The following MIS18BP1 variants were observed in gnomAD, a reference collection of about 807,000 sequenced individuals.
MIS18BP1 encodes MIS18 binding protein 1.
Under a neutral mutation model 116.1 loss-of-function variants are expected in MIS18BP1, and 72 were observed. The ratio of observed to expected loss-of-function variants is 0.62; its 90% CI spans 0.51 to 0.75. MIS18BP1 has a LOEUF of 0.75. Ranked by LOEUF, MIS18BP1 falls within the 30% of genes least tolerant of loss-of-function variation. The pLI, the probability that MIS18BP1 is intolerant of heterozygous loss-of-function variation, is 0.00. For synonymous variants in MIS18BP1, 386 were observed against 427.0 expected (o/e 0.90, Z 1.18); for missense variants, 1,363 against 1,303.2 (o/e 1.05, Z -0.71).
At chr14:45,221,007 C>CG (rs1278844058) in intron 11 of MIS18BP1, among the ~76,000 whole-genome samples, 2 of 152,018 alleles carry the variant, frequency 1.3e-5, no homozygotes, top group Non-Finnish European at 2.9e-5. Context: ...TGGTGGCACA[C>CG]ACCTGTAATC....
At chr14:45,232,155 G>A (rs937316449) in intron 7 of MIS18BP1, among the ~76,000 whole-genome samples, 4 of 152,094 alleles carry the variant, frequency 2.6e-5, no homozygotes, top group Admixed American at 6.6e-5. Flanking sequence ...GGTGTCTCAC[G>A]CCTATAATCC....
chr14:45,237,748 A>C, intron 4 of MIS18BP1, 27 bp from the exon 5 acceptor site: 1 of 1,565,226 alleles, frequency 6.4e-7, no homozygotes, highest in Non-Finnish European at 8.6e-7. Flanking sequence ...CAAAGAACAT[A>C]TTTCCTGTAT....
intron 13 of MIS18BP1, among the ~76,000 whole-genome samples, chr14:45,212,939 C>G (rs187659457): frequency 6.6e-6 from 1 of 152,340 alleles, no homozygotes; most frequent in Admixed American, 6.5e-5. Context: ...TCTGAGAGTA[C>G]TTTCTTTCCT....
chr14:45,232,537 G>A (rs1377670843), intron 7 of MIS18BP1, 196 bp downstream of exon 7: 2 of 545,182 alleles, frequency 3.7e-6, no homozygotes, highest in Middle Eastern at 5.1e-4. Context: ...GCTCATGCCT[G>A]TAATCCCAAC....
intron 13 of MIS18BP1, among the ~76,000 whole-genome samples, chr14:45,212,252 TCCTC>T (rs2139150971): frequency 6.6e-6 from 1 of 152,164 alleles, no homozygotes; most frequent in South Asian, 2.1e-4. Context: ...CTCTCTCTCT[TCCTC>T]CATCTTTTCT....
At chr14:45,206,221 A>G in intron 14 of MIS18BP1, 51 bp from the exon 15 acceptor site, 2 of 1,261,576 alleles carry the variant, frequency 1.6e-6, no homozygotes, top group Non-Finnish European at 2.3e-6. Context: ...AAGTCAACCT[A>G]ATAATTTTAA....
chr14:45,229,640 T>C (rs1891221544), intron 8 of MIS18BP1, among the ~76,000 whole-genome samples: 1 of 152,194 alleles, frequency 6.6e-6, no homozygotes, highest in Non-Finnish European at 1.5e-5. Context: ...ACTGATAATA[T>C]TTGCAATTAA....
At chr14:45,236,153 C>A (rs776735565) in intron 5 of MIS18BP1, among the ~76,000 whole-genome samples, 1 of 152,168 alleles carries the variant, frequency 6.6e-6, no homozygotes, top group Non-Finnish European at 1.5e-5. Context: ...TGTGGCCAAA[C>A]CATGTCCCTC....
chr14:45,219,327 C>A (rs1324790091), intron 11 of MIS18BP1, among the ~76,000 whole-genome samples: 1 of 152,152 alleles, frequency 6.6e-6, no homozygotes. Context: ...CGGGGTTAAA[C>A]AGTCCTGATT....
At chr14:45,241,892 G>T in intron 4 of MIS18BP1, 142 bp downstream of exon 4, 1 of 893,838 alleles carries the variant, frequency 1.1e-6, no homozygotes, top group Non-Finnish European at 1.7e-6. Context: ...AATAAAACAT[G>T]ATAATGAAGA....
chr14:45,214,903 C>T (rs1890773733), intron 13 of MIS18BP1, among the ~76,000 whole-genome samples: 1 of 152,164 alleles, frequency 6.6e-6, no homozygotes, highest in African/African-American at 2.4e-5. Context: ...AGGTGCCCAC[C>T]ACCATGCCAG....
intron 11 of MIS18BP1, among the ~76,000 whole-genome samples, chr14:45,221,798 TTCAG>T (rs1162976631): frequency 6.6e-6 from 1 of 152,240 alleles, no homozygotes; most frequent in Non-Finnish European, 1.5e-5. Flanking sequence ...CCTGCTAATT[TTCAG>T]TCAGTTCTAT....
intron 14 of MIS18BP1, chr14:45,210,157 G>T (rs932996192): frequency 2.7e-6 from 1 of 365,492 alleles, no homozygotes; most frequent in South Asian, 8.9e-5. Context: ...GATCCATTTC[G>T]AATTGATCCA....
rs754884274 is a variant in MIS18BP1 at position 45,224,437 on chromosome 14, C to T, written c.2150G>A (p.Arg717His). ...KSKNKEDCDE[R>H]DLLTVNRKIK... ...TTTCCGGTTGACAGTAAGTAAGTCA[C>T]GTTCATCGCAATCTTCCTTGTTTTT... Residue 717 changes from arginine to histidine, a missense_variant, in exon 11 of 17, where the codon CGT becomes CAT. Coordinates refer to ENST00000310806, the MANE Select transcript of MIS18BP1 (RefSeq NM_018353.5). 17 of 1,613,810 alleles carry T rather than the reference C, an allele frequency of 1.1e-5. No homozygotes were observed. Among genetic ancestry groups the T allele is most frequent in the Admixed American group, 6.7e-5 (4 of 59,992 alleles).
At chr14:45,251,828 A>T (rs1446509963) in intron 1 of MIS18BP1, among the ~76,000 whole-genome samples, 1 of 152,248 alleles carries the variant, frequency 6.6e-6, no homozygotes, top group Non-Finnish European at 1.5e-5. Flanking sequence ...TAAAACAGTG[A>T]GATTTCTTTT....
Position 45,244,454 on chromosome 14 carries a change from C to T in MIS18BP1, c.545-1580G>A, listed in dbSNP as rs573576959. On this transcript the variant is annotated intron_variant, in intron 2 of 16. Coordinates refer to ENST00000310806, the MANE Select transcript of MIS18BP1 (RefSeq NM_018353.5). ...TCCCTCATCTCCTTCAGATCCTTTG[C>T]CCTCATTAATCAGCTTAAATTTCAT... Among the ~76,000 whole-genome samples, 9 of 152,158 alleles carry T rather than the reference C, an allele frequency of 5.9e-5. No homozygotes were observed. The South Asian group carries it at 1.7e-3, about 28-fold the overall frequency.
In MIS18BP1 at chr14:45,204,467, A is replaced by G; in HGVS notation, c.3241-14T>C. Reference sequence around the variant, plus strand: ...ATCAGTTTCAACCTATAAAAGAGTTACTATTAATAGCTAAATGGTACCTCC... The same window carrying G: ...ATCAGTTTCAACCTATAAAAGAGTTGCTATTAATAGCTAAATGGTACCTCC... On this transcript the variant is annotated splice_polypyrimidine_tract_variant and intron_variant, in intron 15 of 16. Transcript: ENST00000310806. 6.3e-7 allele frequency: 1 copy of G among 1,576,932 alleles called. No homozygotes were observed. Among genetic ancestry groups the G allele is most frequent in the Non-Finnish European group, 8.6e-7 (1 of 1,163,472 alleles).
Position 45,242,179 on chromosome 14 carries a change from G to T in MIS18BP1, c.998C>A (p.Pro333Gln). Residue 333 changes from proline to glutamine, a missense_variant, in exon 4 of 17, where the codon CCA (proline) becomes CAA (glutamine). Pro to Gln is a moderately conservative substitution (Grantham distance 76, BLOSUM62 -1). Coordinates refer to ENST00000310806, the MANE Select transcript of MIS18BP1 (RefSeq NM_018353.5). ...GKTVPGETGL[P>Q]GSMKDTCKIV... ...TTTACATGTATCTTTCATGGAACCT[G>T]GAAGACCTGTCTCTCCAGGCACTGT... 1 of 1,613,998 alleles carries T rather than the reference G, an allele frequency of 6.2e-7. No homozygotes were observed. The highest frequency in any genetic ancestry group is 8.5e-7 in the Non-Finnish European group (1 of 1,179,966).
intron 11 of MIS18BP1, among the ~76,000 whole-genome samples, chr14:45,222,542 G>C (rs903107608): frequency 6.6e-6 from 1 of 151,978 alleles, no homozygotes; most frequent in Non-Finnish European, 1.5e-5. Context: ...TACTATCATT[G>C]TTGTTTCAAT....
Sources: gnomAD v4.1 joint callset for allele counts (sites outside exome capture counted in the v4.1 genomes callset) on GRCh38, gnomAD v4.1.1 for gene constraint, MANE v1.5 for transcripts, NCBI Gene and HGNC (gene_info 2026-07-23, HGNC 2026-07-21) for gene names.